The following PPARGC1A variants were observed in gnomAD, a reference collection of about 807,000 sequenced individuals.
PPARGC1A encodes PPARG coactivator 1 alpha.
Under a neutral mutation model 88.7 loss-of-function variants are expected in PPARGC1A, and 25 were observed. The observed-to-expected ratio is 0.28, with a 90% CI of 0.21 to 0.39. The LOEUF (loss-of-function observed/expected upper bound fraction) is 0.39. Among genes scored for constraint, PPARGC1A ranks in the 10% least tolerant of loss-of-function variants. The probability of loss-of-function intolerance (pLI) is 1.00; values close to 1 mark genes in which losing one functional copy is unlikely to be tolerated. For synonymous variants in PPARGC1A, 363 were observed against 355.6 expected, an observed-to-expected ratio of 1.02 and a Z score of -0.24; for missense variants, 880 against 968.7, an observed-to-expected ratio of 0.91 and a Z score of 1.22.
At chr4:23,803,238 A>G (rs1719129345) in intron 10 of PPARGC1A, among the ~76,000 whole-genome samples, 1 of 152,174 alleles carries the variant, frequency 6.6e-6, no homozygotes, top group Admixed American at 6.5e-5. Flanking sequence ...ATAAGGTTCT[A>G]CAACCTTCAT....
At chr4:23,929,775 A>G in the PPARGC1A span, among the ~76,000 whole-genome samples, 1 of 152,232 alleles carries the variant, frequency 6.6e-6, no homozygotes, top group African/African-American at 2.4e-5. Flanking sequence ...TCTGCTGCAG[A>G]GGATTTGCCT....
At chr4:24,174,689 C>G in the PPARGC1A span, among the ~76,000 whole-genome samples, 1 of 152,126 alleles carries the variant, frequency 6.6e-6, no homozygotes, top group East Asian at 1.9e-4. Flanking sequence ...GGTTCCAACC[C>G]AAGTCTTATG....
At chr4:24,318,295 G>C in the PPARGC1A span, among the ~76,000 whole-genome samples, 1 of 152,174 alleles carries the variant, frequency 6.6e-6, no homozygotes, top group South Asian at 2.1e-4. Context: ...CTTTATCTGT[G>C]AAATGATGGA....
chr4:24,240,578 G>C, the PPARGC1A span, among the ~76,000 whole-genome samples: 15 of 152,188 alleles, frequency 9.9e-5, no homozygotes, highest in Non-Finnish European at 1.5e-5. Context: ...CCCTGTAGGA[G>C]GGGGAAAAAT....
the PPARGC1A span, among the ~76,000 whole-genome samples, chr4:24,194,630 G>GCGCGCA: frequency 7.6e-4 from 37 of 48,690 alleles, no homozygotes; most frequent in Admixed American, 1.8e-3. Flanking sequence ...GCACGCGCGC[G>GCGCGCA]CACACACACA....
At chr4:24,347,993 T>C in the PPARGC1A span, among the ~76,000 whole-genome samples, 1 of 152,148 alleles carries the variant, frequency 6.6e-6, no homozygotes, top group Non-Finnish European at 1.5e-5. Context: ...TTTAGTAGTT[T>C]GCCATTGGTA....
chr4:24,307,065 C>T, the PPARGC1A span, among the ~76,000 whole-genome samples: 1 of 152,110 alleles, frequency 6.6e-6, no homozygotes, highest in Non-Finnish European at 1.5e-5. Context: ...GTAGAATTTC[C>T]AAAATCCAGT....
At chr4:24,137,575 T>A in the PPARGC1A span, among the ~76,000 whole-genome samples, 155 of 152,190 alleles carry the variant, frequency 1.0e-3, no homozygotes, top group Admixed American at 2.4e-3. Flanking sequence ...CAGGATACAG[T>A]AAGTGAGAAA....
At chr4:24,262,859 C>T in the PPARGC1A span, among the ~76,000 whole-genome samples, 1 of 152,042 alleles carries the variant, frequency 6.6e-6, no homozygotes, top group Non-Finnish European at 1.5e-5. Context: ...GGTGACTGTC[C>T]ACACTGTCCT....
At chr4:23,831,476 T>G in intron 3 of PPARGC1A, 81 bp downstream of exon 3, 2 of 1,294,972 alleles carry the variant, frequency 1.5e-6, no homozygotes, top group Admixed American at 2.0e-5. Context: ...AATCCAAACC[T>G]TATTGTGACT....
the PPARGC1A span, among the ~76,000 whole-genome samples, chr4:24,232,636 T>G: frequency 2.6e-5 from 4 of 152,200 alleles, no homozygotes; most frequent in African/African-American, 7.2e-5. Context: ...ATAAATATAC[T>G]TTTTAAAAAA....
At chr4:24,438,183 T>C in the PPARGC1A span, among the ~76,000 whole-genome samples, 1 of 152,098 alleles carries the variant, frequency 6.6e-6, no homozygotes, top group South Asian at 2.1e-4. Context: ...TGGGGATAGA[T>C]TTGATGTGGA....
chr4:24,045,574 G>A, the PPARGC1A span, among the ~76,000 whole-genome samples: 24 of 152,244 alleles, frequency 1.6e-4, no homozygotes, highest in Non-Finnish European at 3.1e-4. Context: ...TACTTGGCTT[G>A]TAGATACATC....
At chr4:24,320,635 A>G in the PPARGC1A span, among the ~76,000 whole-genome samples, 2 of 133,538 alleles carry the variant, frequency 1.5e-5, no homozygotes, top group Admixed American at 8.1e-5. Flanking sequence ...TTATATAAAA[A>G]CAGAGAAATG....
At position 23,844,686 on chromosome 4, in the gene PPARGC1A, TATAATATATGATCTATC is replaced by T. The variant is rs575637945; in HGVS notation, c.235-12952_235-12936del. 2.9e-3 allele frequency among the ~76,000 whole-genome samples: 302 copies of T among 102,438 alleles called. 21 individuals are homozygous for T. In the Admixed American group the frequency reaches 0.033, roughly 11 times the overall value. 67.2% of individuals were successfully genotyped at this position (102,438 alleles called of 152,430 possible). A position where few individuals can be genotyped will look rare whatever the true frequency, so the allele number is the denominator to read the frequency against. The stretch of plus-strand genomic sequence containing the variant: ...TCATATATTATAATAATATATATCA[TATAATATATGATCTATC>T]ATAATATATGATATATATTATTATA... On this transcript the variant is annotated intron_variant, in intron 2 of 12. Transcript: ENST00000264867.
chr4:24,200,436 A>T, the PPARGC1A span, among the ~76,000 whole-genome samples: 1 of 152,012 alleles, frequency 6.6e-6, no homozygotes, highest in Non-Finnish European at 1.5e-5. Context: ...ACCTGAGCCC[A>T]GGAGGCAGAG....
At chr4:23,975,769 G>A in the PPARGC1A span, among the ~76,000 whole-genome samples, 1 of 152,156 alleles carries the variant, frequency 6.6e-6, no homozygotes, top group Non-Finnish European at 1.5e-5. Context: ...GCAGGTGCTA[G>A]AACCAGGTTT....
At chr4:23,842,426 T>C (rs926440412) in intron 2 of PPARGC1A, among the ~76,000 whole-genome samples, 4 of 152,112 alleles carry the variant, frequency 2.6e-5, no homozygotes, top group Non-Finnish European at 5.9e-5. Flanking sequence ...TCCAACTCTA[T>C]TGATAGCACC....
the PPARGC1A span, among the ~76,000 whole-genome samples, chr4:23,942,440 C>G: frequency 1.3e-5 from 2 of 152,184 alleles, no homozygotes; most frequent in African/African-American, 2.4e-5. Flanking sequence ...GTCTGTTTTG[C>G]TCTTGTCTAA....
Sources: gnomAD v4.1 joint callset for allele counts (sites outside exome capture counted in the v4.1 genomes callset) on GRCh38, gnomAD v4.1.1 for gene constraint, MANE v1.5 for transcripts, NCBI Gene and HGNC (gene_info 2026-07-23, HGNC 2026-07-21) for gene names.